Variants in ARHGAP23 observed in about 807,000 individuals in gnomAD.
ARHGAP23 encodes rho GTPase-activating protein 23.
A neutral mutation model predicts 136.3 loss-of-function variants in ARHGAP23; 34 were observed. That is an observed-to-expected ratio of 0.25 (90% confidence interval 0.19 to 0.33). ARHGAP23 has a LOEUF of 0.33. Ranked by LOEUF, ARHGAP23 falls within the 10% of genes least tolerant of loss-of-function variation. ARHGAP23 has a pLI of 1.00. For missense variants in ARHGAP23, 1,808 were observed against 2,139.0 expected (o/e 0.85, Z 3.05); for synonymous variants, 832 against 920.5 (o/e 0.90, Z 1.74).
chr17:38,439,176 T>TA (rs1157657817), intron 1 of ARHGAP23, among the ~76,000 whole-genome samples: 85 of 137,900 alleles, frequency 6.2e-4, no homozygotes, highest in Non-Finnish European at 5.2e-4. Flanking sequence ...AGACTCTGTC[T>TA]AAAAAAAAAA....
intron 1 of ARHGAP23, among the ~76,000 whole-genome samples, chr17:38,448,912 G>A (rs980541097): frequency 1.4e-5 from 2 of 145,122 alleles, no homozygotes; most frequent in Non-Finnish European, 3.0e-5. Flanking sequence ...GACCTCCCTG[G>A]GTTCAGGTGA....
chr17:38,424,180 C>T (rs118091905), upstream of ARHGAP23, among the ~76,000 whole-genome samples: 1,771 of 152,236 alleles, frequency 0.012, 21 homozygotes, highest in Middle Eastern at 0.02. Context: ...AACCTGGGTT[C>T]CTCCTCTGGA....
intron 6 of ARHGAP23, 124 bp from the exon 7 acceptor site, chr17:38,466,043 C>A: frequency 1.8e-6 from 1 of 549,288 alleles, no homozygotes; most frequent in Non-Finnish European, 2.8e-6. Flanking sequence ...CTCCCTCGTT[C>A]CCCCCACCGC....
In ARHGAP23 at chr17:38,486,079, T is replaced by A; in HGVS notation, c.2925T>A (p.Asn975Lys). The A allele has an allele frequency of 6.4e-7, 1 of 1,551,308 alleles. No individual in the cohort carries two copies. ...TCCCCCAGCGCTGGCAAGACCTCAA[T>A]GTGATCAGCAGCCTGCTCAAGTCCT... ...NLQDERWQDL[N>K]VISSLLKSFF... The change falls in exon 17 of 24, where the codon AAT becomes AAA. Residue 975 changes from asparagine (N) to lysine (K), a missense_variant. Physicochemically the swap from Asn to Lys is moderately conservative, Grantham distance 94. Coordinates refer to ENST00000622683, the MANE Select transcript of ARHGAP23 (RefSeq NM_001199417.2).
intron 15 of ARHGAP23, 109 bp from the exon 16 acceptor site, chr17:38,482,414 C>T (rs1317249028): frequency 3.6e-5 from 41 of 1,139,052 alleles, no homozygotes; most frequent in Non-Finnish European, 4.8e-5. Flanking sequence ...GCCTTTTGTT[C>T]CCCCCAAGGG....
rs1241588864 is a variant in ARHGAP23, at chr17:38,477,862, G to A, written c.2402G>A (p.Arg801Lys). The A allele has an allele frequency of 6.5e-7, 1 of 1,548,752 alleles. No individual in the cohort carries two copies. The highest frequency in any genetic ancestry group is 1.2e-5 in the South Asian group (1 of 83,992). ...EDRDDMLGWI[R>K]AIRENSRAEG... The stretch of plus-strand genomic sequence containing the variant: ...CGGGATGACATGCTGGGCTGGATCA[G>A]AGCGATCCGGGAGAACAGCAGGGCC... The change falls in exon 12 of 24, where the codon AGA becomes AAA. Residue 801 changes from arginine (R) to lysine (K), a missense_variant. Around this residue, in one of 7 missense-constraint regions of ARHGAP23, gnomAD observed 139 missense variants for 264.3 expected, o/e 0.53. Coordinates refer to ENST00000622683, the MANE Select transcript of ARHGAP23 (RefSeq NM_001199417.2). This position sits in a 1 kb window ranked among gnomAD's most constrained non-coding sequence, Gnocchi z 6.6.
rs1278674219 is a variant in ARHGAP23 at position 38,498,395 on chromosome 17, C to T, written c.3319-19C>T. ...CAGCATCTGAGGGCATGCCAGCTGA[C>T]CCCTCCTCCTGTTCGCAGACCCCTG... is the stretch of plus-strand genomic sequence containing the variant. On this transcript the variant is annotated intron_variant, in intron 21 of 23. Transcript: ENST00000622683. The T allele has an allele frequency of 6.5e-7, 1 of 1,538,082 alleles. No homozygotes were observed. Among genetic ancestry groups the T allele is most frequent in the Admixed American group, 2.0e-5 (1 of 50,090 alleles).
chr17:38,474,976 G>A (rs1895050325), intron 11 of ARHGAP23, among the ~76,000 whole-genome samples: 1 of 152,196 alleles, frequency 6.6e-6, no homozygotes, highest in African/African-American at 2.4e-5. Flanking sequence ...CAGCTCCTGG[G>A]GGCCCTGAGC....
intron 1 of ARHGAP23, among the ~76,000 whole-genome samples, chr17:38,430,285 C>T (rs1208945228): frequency 6.6e-6 from 1 of 152,040 alleles, no homozygotes; most frequent in Non-Finnish European, 1.5e-5. Flanking sequence ...AGTCAGGGCA[C>T]AAGATGAAGC....
In ARHGAP23 at chr17:38,428,528, C is replaced by T. The variant is rs758006130; in HGVS notation, c.43C>T (p.Pro15Ser). The T allele has an allele frequency of 1.6e-4, 227 of 1,454,718 alleles. 3 individuals are homozygous for T. The highest frequency in any genetic ancestry group is 8.8e-4 in the South Asian group (66 of 75,270). 90.1% of individuals were successfully genotyped at this position (1,454,718 alleles called of 1,614,324 possible). A position where few individuals can be genotyped will look rare whatever the true frequency, so the allele number is the denominator to read the frequency against. ...AFCLVGIPPR[P>S]EPRPPQLPLG... ...CTGCCTGGTCGGGATCCCGCCCCGC[C>T]CGGAGCCCCGGCCCCCACAGGTGAG... The change falls in exon 1 of 24, where the codon CCG becomes TCG. Residue 15 changes from proline to serine, a missense_variant. This residue lies in a region of ARHGAP23 where 859 missense variants were observed against 936.4 expected (regional missense o/e 0.92). Coordinates refer to ENST00000622683, the MANE Select transcript of ARHGAP23 (RefSeq NM_001199417.2).
At chr17:38,472,236 G>A (rs9916392) in intron 11 of ARHGAP23, among the ~76,000 whole-genome samples, 58,638 of 152,042 alleles carry the variant, frequency 0.39, 11,966 homozygotes, top group East Asian at 0.6. Context: ...TGATCGAGTC[G>A]TGCTTGGAAT....
chr17:38,468,723 G>A, intron 7 of ARHGAP23, among the ~76,000 whole-genome samples: 1 of 152,176 alleles, frequency 6.6e-6, no homozygotes, highest in South Asian at 2.1e-4. Context: ...CCCAGCTGAT[G>A]GGGGAGCTTT....
chr17:38,448,743 T>G lies in ARHGAP23; in HGVS notation c.64-9359T>G, dbSNP rs1025124581. ...TCACTGCACCCTTGACTTCCTGGGC[T>G]CAAGTGATCTTCCCACCTTAGCCTC... On this transcript the variant is annotated intron_variant, in intron 1 of 23. Coordinates refer to ENST00000622683, the MANE Select transcript of ARHGAP23 (RefSeq NM_001199417.2). Among the ~76,000 whole-genome samples the G allele has an allele frequency of 6.3e-4, 94 of 148,494 alleles. 1 individual carries two copies. The highest frequency in any genetic ancestry group is 2.1e-3 in the African/African-American group (85 of 39,550).
intron 23 of ARHGAP23, among the ~76,000 whole-genome samples, chr17:38,502,985 C>T (rs1160541251): frequency 6.6e-6 from 1 of 152,094 alleles, no homozygotes; most frequent in Non-Finnish European, 1.5e-5. Context: ...GTTGAGGCTG[C>T]AGTGATGAGC....
intron 1 of ARHGAP23, among the ~76,000 whole-genome samples, chr17:38,442,255 G>A (rs970510006): frequency 2.0e-5 from 3 of 151,968 alleles, no homozygotes; most frequent in Admixed American, 6.6e-5. Flanking sequence ...CACCATGCCC[G>A]GCCCCCCTTT....
At position 38,459,000 on chromosome 17, in the gene ARHGAP23, G is replaced by C. The variant is rs577091316; in HGVS notation, c.225+737G>C. Among the ~76,000 whole-genome samples the C allele has an allele frequency of 3.3e-5, 5 of 152,328 alleles. No individual in the cohort carries two copies. In the East Asian group the frequency reaches 9.6e-4, roughly 29 times the overall value. On this transcript the variant is annotated intron_variant, in intron 2 of 23. Transcript: ENST00000622683. Reference sequence around the variant, plus strand: ...CCCCAATCCAAGGCTGTGAGCTAGGGGGAGGGGTCCCTGACAGCGAAGCAG... The same window carrying C: ...CCCCAATCCAAGGCTGTGAGCTAGGCGGAGGGGTCCCTGACAGCGAAGCAG...
chr17:38,482,199 G>C (rs2040060936), intron 15 of ARHGAP23, 56 bp downstream of exon 15: 1 of 1,533,312 alleles, frequency 6.5e-7, no homozygotes. Context: ...GAGGCACAGA[G>C]GGTCAGAGCA....
upstream of ARHGAP23, among the ~76,000 whole-genome samples, chr17:38,426,268 C>T (rs1209819857): frequency 3.3e-5 from 5 of 151,852 alleles, no homozygotes; most frequent in Non-Finnish European, 7.4e-5. Flanking sequence ...GTAGGCCAGG[C>T]GCGGTGGCTC....
At chr17:38,492,877 A>G (rs536411693) in intron 20 of ARHGAP23, among the ~76,000 whole-genome samples, 18 of 152,320 alleles carry the variant, frequency 1.2e-4, no homozygotes, top group Admixed American at 3.9e-4. Flanking sequence ...ACCTCCCGTG[A>G]GGGTGTGTTT....
Sources: gnomAD v4.1 joint callset for allele counts (sites outside exome capture counted in the v4.1 genomes callset) on GRCh38, gnomAD v4.1.1 for gene constraint, gnomAD v4.1.1 regional missense constraint, Gnocchi (gnomAD v3.1) non-coding constraint, MANE v1.5 for transcripts, NCBI Gene and HGNC (gene_info 2026-07-23, HGNC 2026-07-21) for gene names.